PTGES3: variants seen among roughly 807,000 people sequenced by gnomAD.
The protein encoded by PTGES3 is prostaglandin E synthase 3.
In PTGES3, 5 loss-of-function variants were observed where a neutral mutation model predicts 29.9. The observed-to-expected ratio is 0.17, with a 90% confidence interval of 0.09 to 0.35. The LOEUF is 0.35. Among genes scored for constraint, PTGES3 ranks in the 10% least tolerant of loss-of-function variants. The pLI is 1.00. For synonymous variants in PTGES3, 49 were observed against 57.8 expected, an observed-to-expected ratio of 0.85 and a Z score of 0.69; for missense variants, 128 against 190.0, an observed-to-expected ratio of 0.67 and a Z score of 1.92.
intron 1 of PTGES3, among the ~76,000 whole-genome samples, chr12:56,682,721 G>GA (rs754040277): frequency 0.079 from 9,000 of 114,270 alleles, 695 homozygotes; most frequent in African/African-American, 0.18. Context: ...CCATTTAAAA[G>GA]AAAAAAAAAA....
At position 56,666,361 on chromosome 12, in the gene PTGES3, C is replaced by G. The variant is rs80143311; in HGVS notation, c.376-95G>C. 171 of 1,416,622 alleles carry G rather than the reference C, an allele frequency of 1.2e-4. No homozygotes were observed. In the East Asian group the frequency reaches 4.4e-3, roughly 37 times the overall value. 87.8% of individuals were successfully genotyped at this position (1,416,622 alleles called of 1,614,324 possible). On this transcript the variant is annotated intron_variant, in intron 5 of 7. Coordinates refer to ENST00000262033, the MANE Select transcript of PTGES3 (RefSeq NM_006601.7). ...TTCAGAATAAACCTTAAGTCTGCCA[C>G]AGATATCAAAAAATGCAAAATGCAA...
At chr12:56,668,476 G>A (rs985386137) in intron 5 of PTGES3, among the ~76,000 whole-genome samples, 2 of 152,120 alleles carry the variant, frequency 1.3e-5, no homozygotes, top group African/African-American at 2.4e-5. Flanking sequence ...TGGTGGCTCA[G>A]GCCTGTAGTC....
At chr12:56,667,121 T>C (rs528874816) in intron 5 of PTGES3, among the ~76,000 whole-genome samples, 116 of 151,990 alleles carry the variant, frequency 7.6e-4, no homozygotes, top group African/African-American at 2.6e-3. Context: ...GGTTTTACCA[T>C]ATTGGCCAGG....
chr12:56,682,912 T>A (rs542470028), intron 1 of PTGES3, among the ~76,000 whole-genome samples: 1 of 151,836 alleles, frequency 6.6e-6, no homozygotes, highest in South Asian at 2.1e-4. Flanking sequence ...GAGAATCGCT[T>A]GAACCTAGGA....
intron 1 of PTGES3, among the ~76,000 whole-genome samples, chr12:56,683,256 G>A (rs747766086): frequency 2.7e-5 from 4 of 150,494 alleles, no homozygotes; most frequent in Non-Finnish European, 4.4e-5. Flanking sequence ...AGGCCGAGGC[G>A]GGTGATCACC....
At chr12:56,670,211 A>T in intron 5 of PTGES3, 64 bp downstream of exon 5, 1 of 1,123,840 alleles carries the variant, frequency 8.9e-7, no homozygotes, top group African/African-American at 1.5e-5. Context: ...AACCATATTA[A>T]ATTGACTACA....
chr12:56,666,487 AGCAAAGCTATTCAT>A (rs1951790980), intron 5 of PTGES3, among the ~76,000 whole-genome samples: 1 of 152,230 alleles, frequency 6.6e-6, no homozygotes, highest in Admixed American at 6.5e-5. Context: ...CCTAAAGAAA[AGCAAAGCTATTCAT>A]GCAACAGGTT....
chr12:56,688,135 C>T lies in PTGES3; in HGVS notation c.-136G>A. ...GCGGCCTCTTCTCGCTTCCCTCAGG[C>T]GACGGCGGCAGCGGCGGGCTCGACC... On this transcript the variant is annotated 5_prime_UTR_variant, in exon 1 of 8. Transcript: ENST00000262033. 7.2e-7 allele frequency: 1 copy of T among 1,393,082 alleles called. No homozygotes were observed. Among genetic ancestry groups the T allele is most frequent in the Non-Finnish European group, 9.3e-7 (1 of 1,074,250 alleles). The allele number at this position is 1,393,082 out of a possible 1,614,324, so 86.3% of individuals were successfully genotyped here. A position where few individuals can be genotyped will look rare whatever the true frequency, so the allele number is the denominator to read the frequency against.
At chr12:56,674,827 A>AAAAG (rs1406838123) in intron 1 of PTGES3, among the ~76,000 whole-genome samples, 3 of 68,622 alleles carry the variant, frequency 4.4e-5, no homozygotes, top group Non-Finnish European at 8.3e-5. Context: ...CTCCATCTCA[A>AAAAG]AAAAAAAAAA....
At chr12:56,682,612 G>C (rs974820583) in intron 1 of PTGES3, among the ~76,000 whole-genome samples, 1 of 151,668 alleles carries the variant, frequency 6.6e-6, no homozygotes, top group African/African-American at 2.4e-5. Flanking sequence ...CAAGGATCGG[G>C]TGCAGCAGCT....
chr12:56,683,587 T>C (rs982811877), intron 1 of PTGES3, among the ~76,000 whole-genome samples: 13 of 145,576 alleles, frequency 8.9e-5, no homozygotes, highest in African/African-American at 3.3e-4. Flanking sequence ...AAGGCGGAGG[T>C]TGCAGTGAGC....
rs758207497 is a variant in PTGES3 at position 56,673,484 on chromosome 12, G to GAAAAAAAAA, written c.3-420_3-419insTTTTTTTTT. On this transcript the variant is annotated intron_variant, in intron 1 of 7. Coordinates refer to ENST00000262033, the MANE Select transcript of PTGES3 (RefSeq NM_006601.7). ...CCGACTCTACTACAAATACAAATAC[G>GAAAAAAAAA]GAAAAAAAAAAAAAAAAAAAAAAAA... 2.4e-4 allele frequency among the ~76,000 whole-genome samples: 9 copies of GAAAAAAAAA among 36,846 alleles called. 1 individual carries two copies. The highest frequency in any genetic ancestry group is 5.0e-4 in the African/African-American group (8 of 16,096). 24.2% of individuals were successfully genotyped at this position (36,846 alleles called of 152,430 possible).
chr12:56,676,515 C>A (rs1952256532), intron 1 of PTGES3, among the ~76,000 whole-genome samples: 1 of 152,022 alleles, frequency 6.6e-6, no homozygotes. Context: ...AAGAAAAATT[C>A]TTTTATCTCC....
intron 1 of PTGES3, among the ~76,000 whole-genome samples, chr12:56,680,640 C>A (rs958945184): frequency 6.6e-6 from 1 of 152,088 alleles, no homozygotes; most frequent in Non-Finnish European, 1.5e-5. Context: ...TTCAGCCTCC[C>A]AAAGTGCTGG....
rs776853953 is a variant in PTGES3 at position 56,688,001 on chromosome 12, G to A, written c.-2C>T. 5.0e-6 allele frequency: 8 copies of A among 1,594,240 alleles called. 1 individual carries two copies. Among genetic ancestry groups the A allele is most frequent in the Middle Eastern group, 1.7e-4 (1 of 5,936 alleles). Reference sequence around the variant, plus strand: ...CTCGGCGGGGTGTCGCACTCACATTGTGAACGGGGCAGGGGGACGGGCGAA... The same window carrying A: ...CTCGGCGGGGTGTCGCACTCACATTATGAACGGGGCAGGGGGACGGGCGAA... On this transcript the variant is annotated 5_prime_UTR_variant, in exon 1 of 8. Transcript: ENST00000262033.
chr12:56,682,328 G>A (rs1490442867), intron 1 of PTGES3, among the ~76,000 whole-genome samples: 1 of 152,132 alleles, frequency 6.6e-6, no homozygotes, highest in Non-Finnish European at 1.5e-5. Context: ...GGAGGCTGAG[G>A]AGGGAAGACT....
At chr12:56,675,711 A>G (rs1293941310) in intron 1 of PTGES3, among the ~76,000 whole-genome samples, 1 of 152,068 alleles carries the variant, frequency 6.6e-6, no homozygotes, top group Non-Finnish European at 1.5e-5. Context: ...ACCTAAGGTC[A>G]GGAGTTCAGA....
chr12:56,678,551 T>C (rs571003040), intron 1 of PTGES3, among the ~76,000 whole-genome samples: 9 of 152,328 alleles, frequency 5.9e-5, no homozygotes, highest in African/African-American at 1.9e-4. Flanking sequence ...CTGGGACACT[T>C]TTCCTAGCAA....
In PTGES3 at chr12:56,664,767, T is replaced by TAATA; in HGVS notation, c.463+8_463+9insTATT. On this transcript the variant is annotated intron_variant, in intron 7 of 7. Transcript: ENST00000262033. ...TCACTGTATAAACATACTTTTTATATACACTTACTTTCATCATCACTGTCT... is the reference window on the plus strand; with the variant it reads ...TCACTGTATAAACATACTTTTTATATAATAACACTTACTTTCATCATCACTGTCT... 1 of 1,592,510 alleles carries TAATA rather than the reference T, an allele frequency of 6.3e-7. No individual in the cohort carries two copies. The highest frequency in any genetic ancestry group is 8.6e-7 in the Non-Finnish European group (1 of 1,165,078).
Sources: gnomAD v4.1 joint callset for allele counts (sites outside exome capture counted in the v4.1 genomes callset) on GRCh38, gnomAD v4.1.1 for gene constraint, MANE v1.5 for transcripts, NCBI Gene and HGNC (gene_info 2026-07-23, HGNC 2026-07-21) for gene names.